Variants in IL17D observed in about 807,000 individuals in gnomAD.
The protein encoded by IL17D is interleukin-17D.
A neutral mutation model predicts 5.7 loss-of-function variants in IL17D; 10 were observed. The ratio of observed to expected loss-of-function variants is 1.75; its 90% CI spans 1.08 to 2.97. The LOEUF (loss-of-function observed/expected upper bound fraction) is 2.97. Among genes scored for constraint, IL17D ranks in the 30% most tolerant of loss-of-function variants. The pLI is 0.00. For synonymous variants in IL17D, 172 were observed against 141.7 expected (o/e 1.21, Z -1.52); for missense variants, 354 against 292.7 (o/e 1.21, Z -1.53).
chr13:20,715,874 AG>A (rs1462112770), intron 1 of IL17D, among the ~76,000 whole-genome samples: 1 of 152,004 alleles, frequency 6.6e-6, no homozygotes, highest in Non-Finnish European at 1.5e-5. Context: ...CTAAGGAACT[AG>A]GACTACAGAC....
intron 1 of IL17D, among the ~76,000 whole-genome samples, chr13:20,705,466 G>A (rs1405623226): frequency 6.6e-6 from 1 of 152,148 alleles, no homozygotes; most frequent in Non-Finnish European, 1.5e-5. Context: ...GGGAGGCCGA[G>A]GCAGGAGGAT....
chr13:20,715,265 G>T (rs373852800), intron 1 of IL17D, among the ~76,000 whole-genome samples: 6 of 47,090 alleles, frequency 1.3e-4, no homozygotes, highest in South Asian at 1.7e-3. Context: ...ATCTCTGGGG[G>T]TGGGGGGGAC....
chr13:20,722,146 A>C lies in IL17D; in HGVS notation c.*192A>C. ...ACACGGGCATCCCTGGCTTGCTTTT[A>C]GCTACAAGCAAGCAGCGTGGCTGGA... On this transcript the variant is annotated 3_prime_UTR_variant, in exon 2 of 2. Transcript: ENST00000682841. 1.8e-6 allele frequency: 1 copy of C among 549,414 alleles called. No homozygotes were observed. Among genetic ancestry groups the C allele is most frequent in the Non-Finnish European group, 3.1e-6 (1 of 318,060 alleles). The allele number at this position is 549,414 out of a possible 1,614,324, so 34.0% of individuals were successfully genotyped here.
chr13:20,706,897 A>C (rs2058595400), intron 1 of IL17D, among the ~76,000 whole-genome samples: 1 of 152,182 alleles, frequency 6.6e-6, no homozygotes, highest in Non-Finnish European at 1.5e-5. Flanking sequence ...CAGGAGCAGG[A>C]GTGGCAGCTG....
At chr13:20,707,427 T>G (rs1340678130) in intron 1 of IL17D, among the ~76,000 whole-genome samples, 1 of 110,968 alleles carries the variant, frequency 9.0e-6, no homozygotes, top group Non-Finnish European at 1.7e-5. Flanking sequence ...GGCAACAGAG[T>G]GAGAACTTGT....
At chr13:20,703,296 G>C (rs1274876208), upstream of IL17D, 1 of 986,324 alleles carries the variant, frequency 1.0e-6, no homozygotes, top group Non-Finnish European at 1.2e-6. Context: ...AAGCGCTTTC[G>C]GGGGAGAAGA....
chr13:20,719,424 C>G (rs2058714491), intron 1 of IL17D, among the ~76,000 whole-genome samples: 1 of 149,366 alleles, frequency 6.7e-6, no homozygotes, highest in South Asian at 2.1e-4. Flanking sequence ...TTCCCACACT[C>G]ACACCTGACC....
At chr13:20,714,415 G>A (rs977536891) in intron 1 of IL17D, among the ~76,000 whole-genome samples, 1 of 152,196 alleles carries the variant, frequency 6.6e-6, no homozygotes, top group African/African-American at 2.4e-5. Context: ...GCTGTGGGGG[G>A]CAGTGCGGGC....
At position 20,704,256 on chromosome 13, in the gene IL17D, C is replaced by A; in HGVS notation, c.255C>A (p.Pro85=). 7.7e-7 allele frequency: 1 copy of A among 1,300,004 alleles called. No individual in the cohort carries two copies. 80.5% of individuals were successfully genotyped at this position (1,300,004 alleles called of 1,614,324 possible). ...CCGCCGACCGCCGCTTCCGGCCGCC[C>A]ACCAACCTGCGCAGCGTGTCGCCCT... ...GRPADRRFRP[P]TNLRSVSPWA... The change falls in exon 1 of 2, where the codon CCC becomes CCA. Residue 85 remains proline, a synonymous_variant. Transcript: ENST00000682841.
upstream of IL17D, chr13:20,703,349 T>C (rs966968120): frequency 1.2e-5 from 12 of 985,826 alleles, no homozygotes; most frequent in South Asian, 4.7e-5. Context: ...TGACAAAATG[T>C]TTTCAGCTCC....
upstream of IL17D, chr13:20,703,297 G>A (rs1472620454): frequency 6.1e-6 from 6 of 986,442 alleles, no homozygotes; most frequent in East Asian, 6.8e-4. Flanking sequence ...AGCGCTTTCG[G>A]GGGAGAAGAT....
At position 20,703,894 on chromosome 13, in the gene IL17D, G is replaced by T; in HGVS notation, c.-108G>T. On this transcript the variant is annotated 5_prime_UTR_variant, in exon 1 of 2. Coordinates refer to ENST00000682841, the MANE Select transcript of IL17D (RefSeq NM_001385224.1). Reference sequence around the variant, plus strand: ...CGGCCTCTGGCTCCGCGGGGCGAGGGGAGGCGCCCGCCGGCTCCGGGCGCC... The same window carrying T: ...CGGCCTCTGGCTCCGCGGGGCGAGGTGAGGCGCCCGCCGGCTCCGGGCGCC... The T allele has an allele frequency of 2.1e-6, 1 of 485,134 alleles. No homozygotes were observed. Among genetic ancestry groups the T allele is most frequent in the Non-Finnish European group, 2.7e-6 (1 of 375,308 alleles). The allele number at this position is 485,134 out of a possible 1,614,324, so 30.1% of individuals were successfully genotyped here.
intron 1 of IL17D, among the ~76,000 whole-genome samples, chr13:20,719,328 C>T (rs1239662911): frequency 6.8e-6 from 1 of 147,248 alleles, no homozygotes; most frequent in Non-Finnish European, 1.5e-5. Flanking sequence ...TACTCAGATG[C>T]CCACACTCAC....
intron 1 of IL17D, among the ~76,000 whole-genome samples, chr13:20,708,858 AAATT>A (rs1386481243): frequency 6.7e-6 from 1 of 149,588 alleles, no homozygotes; most frequent in East Asian, 1.9e-4. Context: ...AAAAAAAAAA[AAATT>A]AGCCAGGAGT....
chr13:20,709,122 A>AGACTATACT (rs1387250161), intron 1 of IL17D, among the ~76,000 whole-genome samples: 1 of 148,888 alleles, frequency 6.7e-6, no homozygotes, highest in Non-Finnish European at 1.5e-5. Flanking sequence ...GTGCATGTGG[A>AGACTATACT]GACTATACTA....
chr13:20,721,840 G>A lies in IL17D; in HGVS notation c.495G>A (p.Val165=), dbSNP rs1379761606. Residue 165 remains valine (V), a synonymous_variant, in exon 2 of 2, where the codon GTG becomes GTA. Coordinates refer to ENST00000682841, the MANE Select transcript of IL17D (RefSeq NM_001385224.1). ...CCGAGGCCTACGTCACCATCCCCGT[G>A]GGCTGCACCTGCGTCCCCGAGCCGG... ...VYTEAYVTIP[V]GCTCVPEPEK... The A allele has an allele frequency of 1.2e-6, 2 of 1,610,674 alleles. No homozygotes were observed. Among genetic ancestry groups the A allele is most frequent in the Non-Finnish European group, 1.7e-6 (2 of 1,179,786 alleles).
rs1389238663 is a variant in IL17D at position 20,718,530 on chromosome 13, C to T, written c.291-3106C>T. Among the ~76,000 whole-genome samples the T allele has an allele frequency of 2.9e-5, 4 of 135,608 alleles. No homozygotes were observed. The East Asian group carries it at 8.9e-4, about 30-fold the overall frequency. 89.0% of individuals were successfully genotyped at this position (135,608 alleles called of 152,430 possible). The stretch of plus-strand genomic sequence containing the variant: ...CACTCAGACACACTTACCCCCCACC[C>T]ACACACCCGCCCATGCTCACACACC... On this transcript the variant is annotated intron_variant, in intron 1 of 1. Transcript: ENST00000682841.
At chr13:20,705,515 C>T (rs1279731810) in intron 1 of IL17D, among the ~76,000 whole-genome samples, 2 of 152,044 alleles carry the variant, frequency 1.3e-5, no homozygotes, top group Non-Finnish European at 2.9e-5. Flanking sequence ...GGAAACATAG[C>T]GAGATCCCAT....
In IL17D at chr13:20,722,094, A is replaced by G. The variant is rs1166496603; in HGVS notation, c.*140A>G. The G allele has an allele frequency of 6.0e-6, 4 of 666,872 alleles. No homozygotes were observed. The highest frequency in any genetic ancestry group is 7.4e-6 in the Non-Finnish European group (3 of 408,098). 41.3% of individuals were successfully genotyped at this position (666,872 alleles called of 1,614,324 possible). A position where few individuals can be genotyped will look rare whatever the true frequency, so the allele number is the denominator to read the frequency against. The stretch of plus-strand genomic sequence containing the variant: ...GCCGGAGCACCAGCGCCGCCTTTCC[A>G]TGGAGACTCGTAAGCAGCTTCATCT... On this transcript the variant is annotated 3_prime_UTR_variant, in exon 2 of 2. Coordinates refer to ENST00000682841, the MANE Select transcript of IL17D (RefSeq NM_001385224.1).
Sources: gnomAD v4.1 joint callset for allele counts (sites outside exome capture counted in the v4.1 genomes callset) on GRCh38, gnomAD v4.1.1 for gene constraint, MANE v1.5 for transcripts, NCBI Gene and HGNC (gene_info 2026-07-23, HGNC 2026-07-21) for gene names.